SPMAP1: variants seen among roughly 807,000 people sequenced by gnomAD.
SPMAP1 encodes the protein sperm microtubule associated protein 1, also known as uncharacterized protein C17orf98.
the SPMAP1 span, chr17:38,837,297 G>T: frequency 8.3e-7 from 1 of 1,205,576 alleles, no homozygotes; most frequent in Middle Eastern, 1.9e-4. Context: ...TGCTGAGGGG[G>T]ACACAGTGCA....
At chr17:38,838,403 T>C in the SPMAP1 span, among the ~76,000 whole-genome samples, 5 of 151,520 alleles carry the variant, frequency 3.3e-5, no homozygotes, top group Non-Finnish European at 7.4e-5. Context: ...AGTTGGAGAC[T>C]AGCCTGGCCA....
the SPMAP1 span, among the ~76,000 whole-genome samples, chr17:38,837,492 C>T: frequency 6.6e-6 from 1 of 152,120 alleles, no homozygotes; most frequent in African/African-American, 2.4e-5. Flanking sequence ...GCCTTGCCAA[C>T]ATGGTGAAAC....
chr17:38,837,180 C>T, the SPMAP1 span: 2 of 1,614,028 alleles, frequency 1.2e-6, no homozygotes, highest in Non-Finnish European at 1.7e-6. Context: ...TATCTTTGTC[C>T]TTGCCCGAAG....
chr17:38,841,253 T>C, the SPMAP1 span: 4 of 1,614,180 alleles, frequency 2.5e-6, no homozygotes, highest in Admixed American at 3.3e-5. Context: ...GTAGTCCTGC[T>C]GCGCGTTGTA....
the SPMAP1 span, among the ~76,000 whole-genome samples, chr17:38,839,723 C>T: frequency 6.6e-6 from 1 of 151,030 alleles, no homozygotes; most frequent in Non-Finnish European, 1.5e-5. Flanking sequence ...TGGCGTGAAC[C>T]CAGGAGGCAG....
the SPMAP1 span, chr17:38,841,324 C>G: frequency 6.2e-7 from 1 of 1,614,194 alleles, no homozygotes. Context: ...CAGCGGTGCT[C>G]ACAGCCACCC....
At chr17:38,837,154 A>T in the SPMAP1 span, 1 of 1,612,968 alleles carries the variant, frequency 6.2e-7, no homozygotes, top group Non-Finnish European at 8.5e-7. Flanking sequence ...TCCCTGCCCA[A>T]TTTCTCCTGT....
At chr17:38,840,567 G>T in the SPMAP1 span, among the ~76,000 whole-genome samples, 1 of 136,128 alleles carries the variant, frequency 7.3e-6, no homozygotes, top group South Asian at 2.4e-4. Context: ...GATAGCGTGA[G>T]CCCAGGAGTT....
At chr17:38,837,402 T>C in the SPMAP1 span, among the ~76,000 whole-genome samples, 143,543 of 152,242 alleles carry the variant, frequency 0.94, 67,729 homozygotes, top group East Asian at 1. Context: ...CCAGACCGGG[T>C]GCAGTGGCTC....
the SPMAP1 span, chr17:38,835,206 G>A: frequency 6.2e-7 from 1 of 1,614,098 alleles, no homozygotes; most frequent in Non-Finnish European, 8.5e-7. Flanking sequence ...AGAGGGAAGT[G>A]GGTGACCTCT....
At chr17:38,837,373 G>C in the SPMAP1 span, 1 of 692,598 alleles carries the variant, frequency 1.4e-6, no homozygotes, top group South Asian at 1.6e-5. Context: ...GGTGCAGACA[G>C]ATTAAATATA....
At chr17:38,839,085 CAAAAA>C in the SPMAP1 span, among the ~76,000 whole-genome samples, 2 of 63,898 alleles carry the variant, frequency 3.1e-5, no homozygotes, top group South Asian at 6.2e-4. Context: ...GACTCTGTCT[CAAAAA>C]AAAAAAAAAA....
the SPMAP1 span, among the ~76,000 whole-genome samples, chr17:38,839,024 T>G: frequency 7.2e-6 from 1 of 138,598 alleles, no homozygotes; most frequent in East Asian, 2.2e-4. Context: ...AGGCAGAGGT[T>G]GCAGTGAGCT....
the SPMAP1 span, among the ~76,000 whole-genome samples, chr17:38,838,352 C>T: frequency 6.6e-6 from 1 of 152,092 alleles, no homozygotes; most frequent in African/African-American, 2.4e-5. Context: ...GTAATCCCAG[C>T]ACTTTGGGAG....
the SPMAP1 span, chr17:38,841,129 C>T: frequency 7.1e-7 from 1 of 1,407,428 alleles, no homozygotes; most frequent in Non-Finnish European, 9.9e-7. Context: ...GTGGTGAGAA[C>T]GCTGGAGTGA....
At chr17:38,841,055 T>C in the SPMAP1 span, 33 of 624,902 alleles carry the variant, frequency 5.3e-5, no homozygotes, top group Middle Eastern at 4.6e-4. Flanking sequence ...ATAATAATAA[T>C]AAATAAAAAT....
the SPMAP1 span, chr17:38,835,439 C>T: frequency 6.6e-6 from 9 of 1,356,130 alleles, no homozygotes; most frequent in South Asian, 3.9e-5. Context: ...GCCAACCAGG[C>T]GTAGTCACTT....
At chr17:38,835,491 ACT>A in the SPMAP1 span, 22 of 862,708 alleles carry the variant, frequency 2.6e-5, 1 homozygote, top group Non-Finnish European at 3.4e-5. Context: ...GTGTCCTGAG[ACT>A]CTGGGCTGAA....
chr17:38,837,145 C>T, the SPMAP1 span: 1 of 1,608,690 alleles, frequency 6.2e-7, no homozygotes. Context: ...ACTTGCCTGT[C>T]CCTGCCCAAT....
Sources: allele counts gnomAD v4.1 joint callset (sites outside exome capture counted in the v4.1 genomes callset), GRCh38; gene constraint gnomAD v4.1.1; transcripts MANE v1.5; gene names NCBI Gene and HGNC (gene_info 2026-07-23, HGNC 2026-07-21).